RBFOX1: variants seen among roughly 807,000 people sequenced by gnomAD.
The protein encoded by RBFOX1 is RNA binding fox-1 homolog 1, also known as RNA binding protein fox-1 homolog 1.
Under a neutral mutation model 57.7 loss-of-function variants are expected in RBFOX1, and 8 were observed. That is an observed-to-expected ratio of 0.14 (90% CI 0.08 to 0.25). RBFOX1 has a LOEUF of 0.25. Ranked by LOEUF, RBFOX1 falls within the 10% of genes least tolerant of loss-of-function variation. The pLI is 1.00. For missense variants in RBFOX1, 611 were observed against 548.5 expected (o/e 1.11, Z -1.14); for synonymous variants, 326 against 222.4 (o/e 1.47, Z -4.15).
intron 3 of RBFOX1, among the ~76,000 whole-genome samples, chr16:6,706,893 G>GT (rs369854872): frequency 6.6e-6 from 1 of 151,908 alleles, no homozygotes; most frequent in East Asian, 1.9e-4. Flanking sequence ...GAGAACTCCT[G>GT]TTTTTTGCAA....
intron 3 of RBFOX1, among the ~76,000 whole-genome samples, chr16:5,690,385 C>A (rs1355020890): frequency 6.6e-6 from 1 of 152,192 alleles, no homozygotes; most frequent in African/African-American, 2.4e-5. Flanking sequence ...CCACCGTCTA[C>A]CCATATCTTG....
intron 4 of RBFOX1, among the ~76,000 whole-genome samples, chr16:7,301,833 A>G (rs1391139575): frequency 6.6e-6 from 1 of 152,124 alleles, no homozygotes; most frequent in African/African-American, 2.4e-5. Context: ...GAGAGTGAGG[A>G]TTGGAAAGGT....
chr16:5,928,174 G>C (rs1176486601), intron 4 of RBFOX1, among the ~76,000 whole-genome samples: 1 of 152,018 alleles, frequency 6.6e-6, no homozygotes, highest in Admixed American at 6.6e-5. Flanking sequence ...GCTCACTGTA[G>C]CCTTGATCTC....
chr16:6,263,536 A>G (rs760771466), intron 1 of RBFOX1, among the ~76,000 whole-genome samples: 16 of 152,098 alleles, frequency 1.1e-4, no homozygotes, highest in Admixed American at 5.3e-4. Context: ...CTTTTTTCCA[A>G]TCTGTCTTCC....
At chr16:7,258,670 T>C (rs1182202302) in intron 4 of RBFOX1, among the ~76,000 whole-genome samples, 1 of 152,196 alleles carries the variant, frequency 6.6e-6, no homozygotes, top group Non-Finnish European at 1.5e-5. Flanking sequence ...GATGGCTGAA[T>C]TTCAAATGAA....
At chr16:7,207,806 A>G (rs555978728) in intron 4 of RBFOX1, among the ~76,000 whole-genome samples, 8 of 152,326 alleles carry the variant, frequency 5.3e-5, no homozygotes, top group African/African-American at 1.9e-4. Context: ...GTGCAGCAAT[A>G]GAACGAGCAG....
intron 1 of RBFOX1, among the ~76,000 whole-genome samples, chr16:5,347,552 C>G (rs1460796720): frequency 6.6e-6 from 1 of 152,116 alleles, no homozygotes; most frequent in African/African-American, 2.4e-5. Flanking sequence ...TTCCATCCAC[C>G]TACCGACTCA....
intron 1 of RBFOX1, among the ~76,000 whole-genome samples, chr16:5,377,564 G>GAAAGT (rs1555503599): frequency 6.9e-6 from 1 of 145,340 alleles, no homozygotes. Flanking sequence ...GGAAAGGAAG[G>GAAAGT]AAAGGAAAGA....
intron 14 of RBFOX1, among the ~76,000 whole-genome samples, chr16:7,693,522 C>T (rs532009002): frequency 6.6e-6 from 1 of 150,636 alleles, no homozygotes; most frequent in Non-Finnish European, 1.5e-5. Context: ...CAGCTGAAGC[C>T]TTGAGGCTCT....
chr16:7,577,395 C>G (rs1028890857), intron 5 of RBFOX1, among the ~76,000 whole-genome samples: 2 of 152,170 alleles, frequency 1.3e-5, no homozygotes, highest in African/African-American at 2.4e-5. Context: ...CACATACTCT[C>G]CTGAATCCAA....
intron 3 of RBFOX1, among the ~76,000 whole-genome samples, chr16:6,982,962 C>G (rs991199171): frequency 2.4e-4 from 33 of 136,804 alleles, no homozygotes; most frequent in African/African-American, 8.9e-4. Flanking sequence ...CCATTGTGCT[C>G]CAGCCTGGGT....
chr16:5,876,612 A>C (rs77089509), intron 4 of RBFOX1, among the ~76,000 whole-genome samples: 3,686 of 152,294 alleles, frequency 0.024, 94 homozygotes, highest in East Asian at 0.094. Flanking sequence ...TGCCTGTTTT[A>C]AGATTTTTTG....
At chr16:6,735,157 C>T (rs2069802848) in intron 3 of RBFOX1, among the ~76,000 whole-genome samples, 3 of 137,316 alleles carry the variant, frequency 2.2e-5, no homozygotes, top group African/African-American at 9.4e-5. Context: ...TCAACAAAAA[C>T]AACAACAACA....
Position 5,259,568 on chromosome 16 carries a change from T to A in RBFOX1, c.219+19463T>A, listed in dbSNP as rs7350881. Among the ~76,000 whole-genome samples the A allele has an allele frequency of 3.5e-3, 531 of 152,152 alleles. 7 individuals are homozygous for A. Among genetic ancestry groups the A allele is most frequent in the African/African-American group, 0.012 (513 of 41,480 alleles). ...TGTGAAGTGAGCTTTCAGTGGGTGCTCAGTGGAACAGGTGCTGAATGGAGT... is the reference window on the plus strand; with the variant it reads ...TGTGAAGTGAGCTTTCAGTGGGTGCACAGTGGAACAGGTGCTGAATGGAGT... On this transcript the variant is annotated intron_variant, in intron 1 of 2. Transcript: ENST00000585867.
chr16:6,848,801 C>A (rs763281813), intron 3 of RBFOX1, among the ~76,000 whole-genome samples: 3 of 152,146 alleles, frequency 2.0e-5, no homozygotes, highest in Non-Finnish European at 2.9e-5. Flanking sequence ...GAGAAAGTTT[C>A]ACACTCATGG....
chr16:6,990,056 C>T (rs1453715457), intron 3 of RBFOX1, among the ~76,000 whole-genome samples: 1 of 152,128 alleles, frequency 6.6e-6, no homozygotes, highest in Non-Finnish European at 1.5e-5. Context: ...TTTAGCTCCC[C>T]TGTACTAGAA....
At chr16:5,785,937 C>A (rs1183060996) in intron 3 of RBFOX1, among the ~76,000 whole-genome samples, 1 of 152,110 alleles carries the variant, frequency 6.6e-6, no homozygotes, top group Non-Finnish European at 1.5e-5. Flanking sequence ...ACTGAAACCA[C>A]CCCCCATTTC....
At chr16:7,079,522 A>G (rs114990189) in intron 4 of RBFOX1, among the ~76,000 whole-genome samples, 1,528 of 152,306 alleles carry the variant, frequency 0.01, 30 homozygotes, top group African/African-American at 0.035. Flanking sequence ...TGTCAAGTTC[A>G]GATTGTAAAT....
At chr16:7,186,961 C>A (rs1392386557) in intron 4 of RBFOX1, among the ~76,000 whole-genome samples, 3 of 135,186 alleles carry the variant, frequency 2.2e-5, no homozygotes, top group Non-Finnish European at 4.6e-5. Flanking sequence ...AGTTTGAGAC[C>A]AGCCTGGGCA....
Sources: gnomAD v4.1 joint callset for allele counts (sites outside exome capture counted in the v4.1 genomes callset) on GRCh38, gnomAD v4.1.1 for gene constraint, MANE v1.5 for transcripts, NCBI Gene and HGNC (gene_info 2026-07-23, HGNC 2026-07-21) for gene names.